Variants in ZNF18 observed in about 807,000 individuals in gnomAD.
The protein encoded by ZNF18 is zinc finger protein 18.
ZNF18 carries 42 observed loss-of-function variants against 58.1 expected under a neutral mutation model. That is an observed-to-expected ratio of 0.72 (90% CI 0.56 to 0.93). The LOEUF is 0.93. Among genes scored for constraint, ZNF18 ranks in the 40% least tolerant of loss-of-function variants. The pLI is 0.00. For missense variants in ZNF18, 540 were observed against 644.2 expected, an observed-to-expected ratio of 0.84 and a Z score of 1.75; for synonymous variants, 231 against 239.8, an observed-to-expected ratio of 0.96 and a Z score of 0.34.
In ZNF18 at chr17:11,991,102, T is replaced by C; in HGVS notation, c.449A>G (p.Gln150Arg). 1 of 1,614,182 alleles carries C rather than the reference T, an allele frequency of 6.2e-7. No individual in the cohort carries two copies. The highest frequency in any genetic ancestry group is 1.1e-5 in the South Asian group (1 of 91,090). Reference sequence around the variant, plus strand: ...AAGATGGGGCTCCACTTCCCCCACTTGGCAGCTTGGAGATTCCATCTTCTC... The same window carrying C: ...AAGATGGGGCTCCACTTCCCCCACTCGGCAGCTTGGAGATTCCATCTTCTC... Reference protein sequence around the residue: ...LSEKMESPSCQVGEVEPHLEV... With the variant: ...LSEKMESPSCRVGEVEPHLEV... Residue 150 changes from glutamine (Q) to arginine (R), a missense_variant, in exon 3 of 7, where the codon CAA (glutamine) becomes CGA (arginine). Gln to Arg is a conservative substitution (Grantham distance 43). Transcript: ENST00000580306.
the ZNF18 span, chr17:12,020,725 G>A: frequency 2.7e-6 from 1 of 372,372 alleles, no homozygotes; most frequent in Non-Finnish European, 4.7e-6. Context: ...CATCTGGCCC[G>A]GGCTGCGCGT....
At chr17:11,997,513 G>C (rs1968554775), upstream of ZNF18, 1 of 152,274 alleles carries the variant, frequency 6.6e-6, no homozygotes, top group South Asian at 2.1e-4. Context: ...AACGACGTGC[G>C]GCACCGGGCG....
chr17:11,979,718 A>G (rs1373588044), intron 6 of ZNF18, among the ~76,000 whole-genome samples: 1 of 152,196 alleles, frequency 6.6e-6, no homozygotes, highest in Admixed American at 6.5e-5. Context: ...GGATCTAGAC[A>G]TCTTCTAGAG....
In ZNF18 at chr17:11,984,206, A is replaced by T; in HGVS notation, c.667-9T>A. On this transcript the variant is annotated splice_polypyrimidine_tract_variant and intron_variant, in intron 4 of 6. Coordinates refer to ENST00000580306, the MANE Select transcript of ZNF18 (RefSeq NM_001303281.2). ...AGTTGTCTCCACTGTTCCTGGAAAA[A>T]AAAAAAAAAAAGCAATACAATACCA... 1.3e-6 allele frequency: 2 copies of T among 1,580,774 alleles called. No homozygotes were observed. The highest frequency in any genetic ancestry group is 1.7e-6 in the Non-Finnish European group (2 of 1,161,938).
rs749698025 is a variant in ZNF18, at chr17:11,978,640, C to A, written c.967G>T (p.Ala323Ser). ...TCAGTGAAGAAGCCCCTCAAGGAAG[C>A]CTGAGAAGGAACCTCTCCTGAAGCT... ...CQASGEVPSQ[A>S]SLRGFFTEDE... is the part of the protein sequence containing the mutation. The change falls in exon 7 of 7, where the codon GCT (alanine) becomes TCT (serine). Residue 323 changes from alanine (A) to serine (S), a missense_variant. By Grantham distance (99) the Ala-to-Ser change is moderately conservative (BLOSUM62 1). Transcript: ENST00000580306. 12 of 1,613,882 alleles carry A rather than the reference C, an allele frequency of 7.4e-6. No homozygotes were observed. The highest frequency in any genetic ancestry group is 9.3e-6 in the Non-Finnish European group (11 of 1,179,996).
chr17:11,981,376 A>G (rs1967333510), intron 6 of ZNF18, among the ~76,000 whole-genome samples: 1 of 148,258 alleles, frequency 6.7e-6, no homozygotes. Context: ...CTGGAGTGCA[A>G]TGGCGCGGTC....
intron 6 of ZNF18, among the ~76,000 whole-genome samples, chr17:11,982,101 T>C (rs548324125): frequency 1.3e-5 from 2 of 152,132 alleles, no homozygotes; most frequent in East Asian, 3.9e-4. Flanking sequence ...CTCTCTGCTA[T>C]GTGAAGACAC....
intron 1 of ZNF18, among the ~76,000 whole-genome samples, chr17:11,994,267 C>T (rs1240893277): frequency 2.0e-5 from 3 of 151,900 alleles, no homozygotes; most frequent in African/African-American, 4.8e-5. Context: ...ATAATTTATC[C>T]GACATTGGAA....
intron 6 of ZNF18, among the ~76,000 whole-genome samples, chr17:11,980,429 CT>C (rs113663204): frequency 2.3e-4 from 35 of 151,356 alleles, no homozygotes; most frequent in African/African-American, 7.8e-4. Context: ...GTCATGAAAA[CT>C]TTTTTTTTGA....
chr17:12,006,661 G>A, the ZNF18 span, among the ~76,000 whole-genome samples: 4 of 152,102 alleles, frequency 2.6e-5, no homozygotes, highest in Admixed American at 6.5e-5. Flanking sequence ...TGAGGTGGGA[G>A]GGTCACTTAA....
the ZNF18 span, among the ~76,000 whole-genome samples, chr17:12,013,898 A>G: frequency 6.6e-6 from 1 of 152,276 alleles, no homozygotes; most frequent in African/African-American, 2.4e-5. Context: ...AATTTGGAAA[A>G]GAGTAAGGCT....
intron 1 of ZNF18, among the ~76,000 whole-genome samples, chr17:11,994,658 G>A (rs372550818): frequency 1.3e-5 from 2 of 151,922 alleles, no homozygotes; most frequent in Non-Finnish European, 1.5e-5. Flanking sequence ...TGGCTAACAC[G>A]GTGAAACCCC....
chr17:11,994,201 C>T (rs1005877814), intron 1 of ZNF18, among the ~76,000 whole-genome samples: 3 of 152,150 alleles, frequency 2.0e-5, no homozygotes, highest in Non-Finnish European at 2.9e-5. Context: ...CTTTTTGTAG[C>T]TGCTTATTTC....
In ZNF18 at chr17:11,977,689, T is replaced by A. The variant is rs1212677353; in HGVS notation, c.*268A>T. 2.8e-6 allele frequency: 1 copy of A among 354,434 alleles called. No homozygotes were observed. The highest frequency in any genetic ancestry group is 5.0e-6 in the Non-Finnish European group (1 of 198,768). The allele number at this position is 354,434 out of a possible 1,614,324, so 22.0% of individuals were successfully genotyped here. A position where few individuals can be genotyped will look rare whatever the true frequency, so the allele number is the denominator to read the frequency against. ...CTAAAACTGGATCTCCAATTTAGAC[T>A]TTTTCCCCGATGGGTCCAAAGGAAG... On this transcript the variant is annotated 3_prime_UTR_variant, in exon 7 of 7. Coordinates refer to ENST00000580306, the MANE Select transcript of ZNF18 (RefSeq NM_001303281.2).
chr17:12,017,726 A>C, the ZNF18 span, among the ~76,000 whole-genome samples: 1 of 151,986 alleles, frequency 6.6e-6, no homozygotes, highest in East Asian at 1.9e-4. Flanking sequence ...AAAAGTAAAA[A>C]ATTAACCAGG....
chr17:11,997,878 C>G (rs1214799908), upstream of ZNF18, among the ~76,000 whole-genome samples: 1 of 152,208 alleles, frequency 6.6e-6, no homozygotes, highest in Non-Finnish European at 1.5e-5. Context: ...TTTCTCCTTT[C>G]CGTTCTTGCC....
chr17:11,986,566 A>C (rs1361711202), intron 4 of ZNF18, among the ~76,000 whole-genome samples: 1 of 152,094 alleles, frequency 6.6e-6, no homozygotes, highest in Non-Finnish European at 1.5e-5. Context: ...TGTGAACTTT[A>C]ATTTAAATTT....
the ZNF18 span, among the ~76,000 whole-genome samples, chr17:12,003,991 G>T: frequency 6.6e-6 from 1 of 152,202 alleles, no homozygotes; most frequent in South Asian, 2.1e-4. Flanking sequence ...CTAGCACTTT[G>T]GGAGGCTGAG....
chr17:12,009,937 G>T, the ZNF18 span, among the ~76,000 whole-genome samples: 1 of 152,058 alleles, frequency 6.6e-6, no homozygotes, highest in Non-Finnish European at 1.5e-5. Flanking sequence ...CTAAAATATG[G>T]CTTATCTATG....
Sources: allele counts gnomAD v4.1 joint callset (sites outside exome capture counted in the v4.1 genomes callset), GRCh38; gene constraint gnomAD v4.1.1; transcripts MANE v1.5; gene names NCBI Gene and HGNC (gene_info 2026-07-23, HGNC 2026-07-21).